CLTCL1: variants seen among roughly 807,000 people sequenced by gnomAD.
CLTCL1 encodes the protein clathrin heavy chain 2.
A neutral mutation model predicts 190.0 loss-of-function variants in CLTCL1; 159 were observed. The observed-to-expected ratio is 0.84, with a 90% CI of 0.74 to 0.95. The LOEUF (loss-of-function observed/expected upper bound fraction) is 0.95, where lower values mean the gene tolerates loss of function less well. Ranked by LOEUF, CLTCL1 falls within the 40% of genes least tolerant of loss-of-function variation. The pLI is 0.00. For synonymous variants in CLTCL1, 752 were observed against 769.6 expected, an observed-to-expected ratio of 0.98 and a Z score of 0.38; for missense variants, 1,878 against 2,033.4, an observed-to-expected ratio of 0.92 and a Z score of 1.47.
chr22:19,290,161 T>C (rs1184226946), intron 1 of CLTCL1, among the ~76,000 whole-genome samples: 1 of 152,204 alleles, frequency 6.6e-6, no homozygotes, highest in African/African-American at 2.4e-5. Context: ...AAATATCTTG[T>C]TGCTTTCTTG....
intron 2 of CLTCL1, among the ~76,000 whole-genome samples, chr22:19,257,063 A>C (rs2086784839): frequency 6.6e-6 from 1 of 152,210 alleles, no homozygotes; most frequent in Non-Finnish European, 1.5e-5. Context: ...ATAGGCCCAA[A>C]CACATTTTTT....
At position 19,198,040 on chromosome 22, in the gene CLTCL1, C is replaced by T. The variant is rs1024731216; in HGVS notation, c.3874-1384G>A. On this transcript the variant is annotated intron_variant, in intron 24 of 32. Transcript: ENST00000427926. The surrounding 1 kb of genome is among the most constrained non-coding windows in gnomAD (Gnocchi z 4.1). ...CCCCACCTGAACATCCAGCGGGCAG[C>T]TCAAGACTTAGCACCATGTGTCCAA... 3.7e-4 allele frequency among the ~76,000 whole-genome samples: 56 copies of T among 152,194 alleles called. No homozygotes were observed. Among genetic ancestry groups the T allele is most frequent in the African/African-American group, 1.4e-3 (56 of 41,444 alleles).
intron 3 of CLTCL1, 21 bp downstream of exon 3, chr22:19,253,938 T>C: frequency 6.2e-7 from 1 of 1,607,416 alleles, no homozygotes; most frequent in Non-Finnish European, 8.5e-7. Context: ...GACCAGCCCC[T>C]AAAGGCAGCT....
intron 3 of CLTCL1, among the ~76,000 whole-genome samples, chr22:19,245,263 G>T (rs910211899): frequency 6.9e-5 from 10 of 144,186 alleles, no homozygotes; most frequent in Admixed American, 6.6e-4. Flanking sequence ...GCGTGACCTC[G>T]GCTCACCACA....
chr22:19,180,890 C>T (rs1056230604), intron 30 of CLTCL1, 84 bp from the exon 31 acceptor site: 2 of 1,166,834 alleles, frequency 1.7e-6, no homozygotes, highest in Non-Finnish European at 2.6e-6. Flanking sequence ...AAGGTCAGGA[C>T]ACAGGGCCTC....
rs1256197681 is a variant in CLTCL1, at chr22:19,222,683, C to T, written c.2418+1G>A. 6.3e-7 allele frequency: 1 copy of T among 1,588,880 alleles called. No individual in the cohort carries two copies. Among genetic ancestry groups the T allele is most frequent in the Non-Finnish European group, 8.6e-7 (1 of 1,167,508 alleles). On this transcript the variant is annotated splice_donor_variant, in intron 15 of 32. Coordinates refer to ENST00000427926, the MANE Select transcript of CLTCL1 (RefSeq NM_007098.4). LOFTEE classifies it high-confidence loss of function. Reference sequence around the variant, plus strand: ...GTGTCACTCCAGGGAGCCAGCAGTACCTTCTGCACGTAGATCTCAATGTAC... The same window carrying T: ...GTGTCACTCCAGGGAGCCAGCAGTATCTTCTGCACGTAGATCTCAATGTAC...
intron 18 of CLTCL1, 134 bp downstream of exon 18, chr22:19,219,751 G>A: frequency 7.7e-7 from 1 of 1,301,528 alleles, no homozygotes; most frequent in Non-Finnish European, 1.1e-6. Context: ...CTCCCAAATT[G>A]CTGGCATTAC....
chr22:19,239,227 G>T, intron 5 of CLTCL1, 48 bp downstream of exon 5: 1 of 1,406,900 alleles, frequency 7.1e-7, no homozygotes, highest in Non-Finnish European at 1.0e-6. Context: ...GGAGGTGCTA[G>T]AGTAGATTTT....
chr22:19,263,582 T>C (rs2087023965), intron 2 of CLTCL1, among the ~76,000 whole-genome samples: 1 of 151,982 alleles, frequency 6.6e-6, no homozygotes, highest in South Asian at 2.1e-4. Flanking sequence ...CCCAGCTAAT[T>C]TTTGGGTTTT....
rs186429395 is a variant in CLTCL1 at position 19,258,678 on chromosome 22, G to A, written c.251-4451C>T. 6.1e-6 allele frequency: 4 copies of A among 660,588 alleles called. No homozygotes were observed. In the East Asian group the frequency reaches 1.2e-4, roughly 19 times the overall value. 40.9% of individuals were successfully genotyped at this position (660,588 alleles called of 1,614,324 possible). ...CCACCGCCTGCTGGAAGATGGGGAG[G>A]ACTTCAATCTTGGTGAGGCCCTAGA... On this transcript the variant is annotated intron_variant, in intron 2 of 32. Transcript: ENST00000427926.
In CLTCL1 at chr22:19,191,345, G is replaced by A. The variant is rs782770090; in HGVS notation, c.4282C>T (p.Pro1428Ser). ...ACTGTCCAGGTGTGGTCCAGCCGGG[G>A]TGAAAGCACCAGCAGCAGGTCATTG... Reference protein sequence around the residue: ...LINDLLLVLSPRLDHTWTVSF... With the variant: ...LINDLLLVLSSRLDHTWTVSF... The change falls in exon 27 of 33, where the codon CCC becomes TCC. Residue 1428 changes from proline to serine, a missense_variant. By Grantham distance (74) the Pro-to-Ser change is moderately conservative (BLOSUM62 -1). Transcript: ENST00000427926. The A allele has an allele frequency of 8.1e-6, 13 of 1,613,898 alleles. No homozygotes were observed. In the East Asian group the frequency reaches 8.9e-5, roughly 11 times the overall value.
chr22:19,238,417 C>T (rs2086148897), intron 5 of CLTCL1: 3 of 157,514 alleles, frequency 1.9e-5, no homozygotes, highest in Admixed American at 1.9e-4. Context: ...TTACATCCAA[C>T]TGGTTTATCT....
rs1454856983 is a variant in CLTCL1 at position 19,286,013 on chromosome 22, G to A, written c.42+5587C>T. Reference sequence around the variant, plus strand: ...GGTTTCCCCTGGGGAGAGACAGACAGAGGCTGAACTGAAAGATTTTAATTC... The same window carrying A: ...GGTTTCCCCTGGGGAGAGACAGACAAAGGCTGAACTGAAAGATTTTAATTC... On this transcript the variant is annotated intron_variant, in intron 1 of 32. Transcript: ENST00000427926. Among the ~76,000 whole-genome samples, 3 of 152,278 alleles carry A rather than the reference G, an allele frequency of 2.0e-5. No homozygotes were observed. The East Asian group carries it at 5.8e-4, about 29-fold the overall frequency.
At chr22:19,239,427 GT>G (rs1175549924) in intron 4 of CLTCL1, 39 bp from the exon 5 acceptor site, 2 of 1,474,708 alleles carry the variant, frequency 1.4e-6, no homozygotes, top group Non-Finnish European at 1.9e-6. Context: ...GGGACCGCCT[GT>G]GGTGGTGGGC....
At chr22:19,274,399 T>C (rs2087427061) in intron 2 of CLTCL1, among the ~76,000 whole-genome samples, 1 of 152,156 alleles carries the variant, frequency 6.6e-6, no homozygotes, top group South Asian at 2.1e-4. Flanking sequence ...AGTGACAAAG[T>C]AAGAGACAGA....
chr22:19,206,315 T>G (rs782069495), intron 22 of CLTCL1, among the ~76,000 whole-genome samples: 1 of 152,152 alleles, frequency 6.6e-6, no homozygotes, highest in Non-Finnish European at 1.5e-5. Context: ...CGATCACAGC[T>G]CACTGCAGCC....
At chr22:19,253,852 C>T (rs1257002596) in intron 3 of CLTCL1, 107 bp downstream of exon 3, 17 of 1,326,816 alleles carry the variant, frequency 1.3e-5, no homozygotes, top group Admixed American at 8.9e-5. Flanking sequence ...AGGCATGAGC[C>T]ACCGCACCTG....
At position 19,233,264 on chromosome 22, in the gene CLTCL1, C is replaced by A. The variant is rs782774942; in HGVS notation, c.1423G>T (p.Ala475Ser). The change falls in exon 9 of 33, where the codon GCT (alanine) becomes TCT (serine). Residue 475 changes from alanine to serine, a missense_variant. Transcript: ENST00000427926. ...DLVKTTDPML[A>S]LSVYLRANVP... ...TTTGCCCGAAGGTACACACTCAGAG[C>A]GAGCATGGGGTCAGTGGTTTTGACC... is the stretch of plus-strand genomic sequence containing the variant. The A allele has an allele frequency of 6.2e-7, 1 of 1,613,944 alleles. No homozygotes were observed. The highest frequency in any genetic ancestry group is 1.3e-5 in the African/African-American group (1 of 75,028).
intron 26 of CLTCL1, among the ~76,000 whole-genome samples, chr22:19,193,961 G>C (rs1771547): frequency 6.6e-6 from 1 of 152,158 alleles, no homozygotes; most frequent in African/African-American, 2.4e-5. Context: ...AAAAAGACCC[G>C]AACAGGTTGC....
Sources: gnomAD v4.1 joint callset for allele counts (sites outside exome capture counted in the v4.1 genomes callset) on GRCh38, gnomAD v4.1.1 for gene constraint, Gnocchi (gnomAD v3.1) non-coding constraint, MANE v1.5 for transcripts, NCBI Gene and HGNC (gene_info 2026-07-23, HGNC 2026-07-21) for gene names.